PAWR: variants seen among roughly 807,000 people sequenced by gnomAD.
PAWR encodes the protein pro-apoptotic WT1 regulator.
Under a neutral mutation model 32.0 loss-of-function variants are expected in PAWR, and 23 were observed. The observed-to-expected ratio is 0.72, with a 90% confidence interval of 0.52 to 1.02. The LOEUF (loss-of-function observed/expected upper bound fraction) is 1.02. PAWR is among the 50% of genes least tolerant of loss of function. The probability of loss-of-function intolerance (pLI) is 0.00; values close to 1 mark genes in which losing one functional copy is unlikely to be tolerated. For synonymous variants in PAWR, 226 were observed against 187.1 expected (o/e 1.21, Z -1.70); for missense variants, 457 against 437.7 (o/e 1.04, Z -0.39).
At chr12:79,653,699 G>A (rs974115625) in intron 2 of PAWR, among the ~76,000 whole-genome samples, 3 of 151,698 alleles carry the variant, frequency 2.0e-5, no homozygotes, top group African/African-American at 7.3e-5. Context: ...GGTTTGTCTC[G>A]AACTCCCAAC....
At chr12:79,618,336 C>T (rs1275929856) in intron 3 of PAWR, among the ~76,000 whole-genome samples, 1 of 152,078 alleles carries the variant, frequency 6.6e-6, no homozygotes, top group African/African-American at 2.4e-5. Context: ...GTCATGTTGG[C>T]CAGGCTAGTC....
At chr12:79,617,741 T>A (rs1017629276) in intron 3 of PAWR, among the ~76,000 whole-genome samples, 15 of 152,352 alleles carry the variant, frequency 9.8e-5, no homozygotes, top group Middle Eastern at 3.4e-3. Flanking sequence ...ATATTTTGGA[T>A]GTCCCCTCCA....
chr12:79,678,189 T>C (rs1878262770), intron 2 of PAWR, among the ~76,000 whole-genome samples: 2 of 152,234 alleles, frequency 1.3e-5, no homozygotes, highest in Admixed American at 6.5e-5. Context: ...AAGACAATCC[T>C]TTTAATGATT....
rs1878174034 is a variant in PAWR at position 79,676,481 on chromosome 12, A to T, written c.516+13248T>A. The stretch of plus-strand genomic sequence containing the variant: ...ACATTAATAAACTGTATTCTCTGCT[A>T]TAGTGTTCTATAATTTCACACACAG... On this transcript the variant is annotated intron_variant, in intron 2 of 6. Coordinates refer to ENST00000328827, the MANE Select transcript of PAWR (RefSeq NM_002583.4). 2.0e-5 allele frequency among the ~76,000 whole-genome samples: 3 copies of T among 152,206 alleles called. No individual in the cohort carries two copies. In the South Asian group the frequency reaches 6.2e-4, roughly 32 times the overall value.
At chr12:79,642,990 T>G (rs1301974060) in intron 2 of PAWR, among the ~76,000 whole-genome samples, 2 of 152,206 alleles carry the variant, frequency 1.3e-5, no homozygotes, top group Non-Finnish European at 2.9e-5. Flanking sequence ...TTAAATTGTT[T>G]AAGGCTTAAG....
intron 2 of PAWR, among the ~76,000 whole-genome samples, chr12:79,673,603 A>G (rs1351658704): frequency 6.6e-6 from 1 of 152,198 alleles, no homozygotes. Context: ...CTCTCCTCAA[A>G]GAGCTGAGCC....
At chr12:79,679,976 T>G (rs1878361730) in intron 2 of PAWR, among the ~76,000 whole-genome samples, 1 of 152,236 alleles carries the variant, frequency 6.6e-6, no homozygotes, top group South Asian at 2.1e-4. Flanking sequence ...TTACTTGGAT[T>G]GATCTTCCCA....
At chr12:79,604,646 G>GC in intron 4 of PAWR, 3 of 1,287,236 alleles carry the variant, frequency 2.3e-6, no homozygotes, top group Non-Finnish European at 3.0e-6. Flanking sequence ...ATCTTTCACT[G>GC]CCCCATTCTC....
At chr12:79,612,111 G>T (rs140708131) in intron 4 of PAWR, among the ~76,000 whole-genome samples, 1 of 152,016 alleles carries the variant, frequency 6.6e-6, no homozygotes, top group African/African-American at 2.4e-5. Context: ...CCACATCAAG[G>T]CTATTTCATA....
At chr12:79,608,645 C>T (rs1485619444) in intron 4 of PAWR, among the ~76,000 whole-genome samples, 1 of 152,194 alleles carries the variant, frequency 6.6e-6, no homozygotes, top group Non-Finnish European at 1.5e-5. Context: ...ATCATTTAAA[C>T]AATGGCAAAG....
At chr12:79,614,896 G>C (rs547441304) in intron 3 of PAWR, among the ~76,000 whole-genome samples, 1 of 152,334 alleles carries the variant, frequency 6.6e-6, no homozygotes, top group African/African-American at 2.4e-5. Flanking sequence ...CTACTCCGTA[G>C]CTAGGAGACT....
chr12:79,606,426 A>T (rs2136687886), intron 4 of PAWR, among the ~76,000 whole-genome samples: 1 of 152,310 alleles, frequency 6.6e-6, no homozygotes, highest in South Asian at 2.1e-4. Flanking sequence ...AATGCACTTA[A>T]AATGACACCA....
chr12:79,640,739 C>T (rs1185336597), intron 2 of PAWR, among the ~76,000 whole-genome samples: 3 of 152,002 alleles, frequency 2.0e-5, no homozygotes, highest in Non-Finnish European at 2.9e-5. Flanking sequence ...AGAGCAAGAC[C>T]CTGTCTTTAA....
At chr12:79,633,921 T>C (rs1197858929) in intron 2 of PAWR, among the ~76,000 whole-genome samples, 1 of 152,118 alleles carries the variant, frequency 6.6e-6, no homozygotes, top group Non-Finnish European at 1.5e-5. Flanking sequence ...ACATGCCACC[T>C]AGGATTTGCT....
intron 2 of PAWR, among the ~76,000 whole-genome samples, chr12:79,661,700 C>T (rs970885670): frequency 6.6e-6 from 1 of 152,114 alleles, no homozygotes; most frequent in African/African-American, 2.4e-5. Flanking sequence ...TAGACCAAAG[C>T]CCTCTCCCTA....
chr12:79,669,720 CTTTT>C (rs929299436), intron 2 of PAWR, among the ~76,000 whole-genome samples: 2 of 150,758 alleles, frequency 1.3e-5, no homozygotes, highest in Non-Finnish European at 3.0e-5. Flanking sequence ...GTTATTCATT[CTTTT>C]TTTTTGTTTG....
chr12:79,629,942 A>G (rs1256008542), intron 2 of PAWR, among the ~76,000 whole-genome samples: 1 of 152,154 alleles, frequency 6.6e-6, no homozygotes, highest in Non-Finnish European at 1.5e-5. Context: ...AAAGCACAAC[A>G]TAAAATTTGA....
chr12:79,662,905 ATGT>A (rs1256723075), intron 2 of PAWR, among the ~76,000 whole-genome samples: 2 of 152,208 alleles, frequency 1.3e-5, no homozygotes, highest in Non-Finnish European at 2.9e-5. Flanking sequence ...CTATGGTAAC[ATGT>A]TGTCATTAAA....
At chr12:79,622,970 T>TTA (rs1875097311) in intron 2 of PAWR, among the ~76,000 whole-genome samples, 1 of 152,128 alleles carries the variant, frequency 6.6e-6, no homozygotes, top group Admixed American at 6.5e-5. Context: ...CCCAAGAAGT[T>TTA]TAGACTTCTC....
Sources: allele counts gnomAD v4.1 joint callset (sites outside exome capture counted in the v4.1 genomes callset), GRCh38; gene constraint gnomAD v4.1.1; transcripts MANE v1.5; gene names NCBI Gene and HGNC (gene_info 2026-07-23, HGNC 2026-07-21).